CSGALNACT1: variants seen among roughly 807,000 people sequenced by gnomAD.
CSGALNACT1 encodes beta4GalNAcT-1.
Under a neutral mutation model 51.0 loss-of-function variants are expected in CSGALNACT1, and 52 were observed. That is an observed-to-expected ratio of 1.02 (90% CI 0.82 to 1.29). The LOEUF (loss-of-function observed/expected upper bound fraction) is 1.29. Among genes scored for constraint, CSGALNACT1 ranks in the 50% most tolerant of loss-of-function variants. CSGALNACT1 has a pLI of 0.00. For synonymous variants in CSGALNACT1, 341 were observed against 254.4 expected (o/e 1.34, Z -3.24); for missense variants, 935 against 679.2 (o/e 1.38, Z -4.19).
chr8:19,474,371 TTTAC>T (rs2068905115), intron 4 of CSGALNACT1, among the ~76,000 whole-genome samples: 1 of 152,108 alleles, frequency 6.6e-6, no homozygotes, highest in South Asian at 2.1e-4. Context: ...ATTTTTAAAA[TTTAC>T]TTATTTATTA....
chr8:19,653,001 C>T (rs931786042), intron 1 of CSGALNACT1, among the ~76,000 whole-genome samples: 6 of 152,158 alleles, frequency 3.9e-5, no homozygotes, highest in African/African-American at 1.4e-4. Flanking sequence ...TTATATATAA[C>T]TACTTATAAG....
intron 3 of CSGALNACT1, among the ~76,000 whole-genome samples, chr8:19,530,609 G>C (rs1260532422): frequency 1.3e-5 from 2 of 152,114 alleles, no homozygotes; most frequent in African/African-American, 4.8e-5. Flanking sequence ...CTCGCAGCTC[G>C]AGTCCCAGTT....
intron 1 of CSGALNACT1, among the ~76,000 whole-genome samples, chr8:19,619,089 G>A (rs2053469873): frequency 6.6e-6 from 1 of 152,016 alleles, no homozygotes; most frequent in African/African-American, 2.4e-5. Context: ...GAAGGCAGTG[G>A]GCTATGAGAA....
intron 1 of CSGALNACT1, among the ~76,000 whole-genome samples, chr8:19,655,502 G>A (rs2058179850): frequency 6.6e-6 from 1 of 151,504 alleles, no homozygotes; most frequent in Non-Finnish European, 1.5e-5. Context: ...CTGGAACTAA[G>A]GCATGTGCCA....
chr8:19,666,809 A>AGAG (rs2059243232), intron 1 of CSGALNACT1, among the ~76,000 whole-genome samples: 15 of 25,104 alleles, frequency 6.0e-4, no homozygotes, highest in African/African-American at 1.0e-3. Context: ...GAAAGAAAGA[A>AGAG]AGAGAGAGAG....
chr8:19,460,992 C>A (rs2065235400), intron 4 of CSGALNACT1, among the ~76,000 whole-genome samples: 1 of 152,150 alleles, frequency 6.6e-6, no homozygotes, highest in African/African-American at 2.4e-5. Context: ...CCCAAACCCA[C>A]AGTTCCCCAG....
intron 2 of CSGALNACT1, among the ~76,000 whole-genome samples, chr8:19,597,250 ATGGATATTGGGT>A (rs1248425530): frequency 1.4e-5 from 2 of 145,664 alleles, no homozygotes; most frequent in African/African-American, 5.1e-5. Flanking sequence ...TCATCTGTTA[ATGGATATTGGGT>A]TGGGGCTGCC....
At chr8:19,631,681 C>CT (rs780774758) in intron 1 of CSGALNACT1, among the ~76,000 whole-genome samples, 9 of 152,122 alleles carry the variant, frequency 5.9e-5, no homozygotes, top group Non-Finnish European at 1.2e-4. Context: ...CCAAAATGAA[C>CT]TTTTTTAGTA....
intron 3 of CSGALNACT1, among the ~76,000 whole-genome samples, chr8:19,550,283 T>C (rs2087656978): frequency 6.6e-6 from 1 of 152,172 alleles, no homozygotes; most frequent in Admixed American, 6.6e-5. Flanking sequence ...ACTGCACCTG[T>C]CTGTGAAACT....
At chr8:19,753,419 T>C (rs2065165136) in intron 1 of CSGALNACT1, among the ~76,000 whole-genome samples, 1 of 152,194 alleles carries the variant, frequency 6.6e-6, no homozygotes, top group Non-Finnish European at 1.5e-5. Flanking sequence ...GGATGTCTGA[T>C]AATTTTCCAA....
chr8:19,486,502 C>T (rs2072975169), intron 4 of CSGALNACT1, among the ~76,000 whole-genome samples: 2 of 152,166 alleles, frequency 1.3e-5, no homozygotes, highest in Non-Finnish European at 2.9e-5. Flanking sequence ...CCTTTTCTCT[C>T]CCTCACTGGC....
intron 1 of CSGALNACT1, among the ~76,000 whole-genome samples, chr8:19,690,360 A>G (rs1420330653): frequency 6.6e-6 from 1 of 152,214 alleles, no homozygotes; most frequent in Non-Finnish European, 1.5e-5. Context: ...AGTATTTCTA[A>G]TATCATCCTG....
chr8:19,478,910 T>C (rs1337363926), intron 4 of CSGALNACT1, among the ~76,000 whole-genome samples: 1 of 152,108 alleles, frequency 6.6e-6, no homozygotes, highest in African/African-American at 2.4e-5. Context: ...GTCATGTCAT[T>C]TTAGGTTGCT....
At chr8:19,439,898 A>G in exon 6 of CSGALNACT1, 2 of 1,614,166 alleles carry the variant, frequency 1.2e-6, no homozygotes, top group Non-Finnish European at 1.7e-6. Context: ...CAACAGTGAG[A>G]TGGACTCTCC....
intron 4 of CSGALNACT1, among the ~76,000 whole-genome samples, chr8:19,459,916 G>A (rs1037597018): frequency 6.6e-6 from 1 of 152,212 alleles, no homozygotes; most frequent in Non-Finnish European, 1.5e-5. Flanking sequence ...AAACTCCACA[G>A]AGTGTCACTT....
intron 1 of CSGALNACT1, among the ~76,000 whole-genome samples, chr8:19,665,011 T>C (rs2154193080): frequency 6.6e-6 from 1 of 152,264 alleles, no homozygotes; most frequent in African/African-American, 2.4e-5. Flanking sequence ...AAAAATGCAC[T>C]TGTACTCTAT....
intron 3 of CSGALNACT1, among the ~76,000 whole-genome samples, chr8:19,507,131 C>T (rs2077488800): frequency 6.6e-6 from 1 of 152,118 alleles, no homozygotes; most frequent in Non-Finnish European, 1.5e-5. Flanking sequence ...GATCAGGGGA[C>T]AATGGTTCCA....
At chr8:19,673,768 C>A (rs2059967133) in intron 1 of CSGALNACT1, among the ~76,000 whole-genome samples, 1 of 152,190 alleles carries the variant, frequency 6.6e-6, no homozygotes. Context: ...TCTTTTGAAA[C>A]AGAGTTTTAA....
chr8:19,422,334 A>G (rs1373763136), intron 6 of CSGALNACT1, among the ~76,000 whole-genome samples: 1 of 152,162 alleles, frequency 6.6e-6, no homozygotes, highest in Non-Finnish European at 1.5e-5. Flanking sequence ...CTGGGACTAC[A>G]AGTGCATGCT....
Sources: gnomAD v4.1 joint callset for allele counts (sites outside exome capture counted in the v4.1 genomes callset) on GRCh38, gnomAD v4.1.1 for gene constraint, MANE v1.5 for transcripts, NCBI Gene and HGNC (gene_info 2026-07-23, HGNC 2026-07-21) for gene names.